Variants in WDR70 observed in about 807,000 individuals in gnomAD.
The protein encoded by WDR70 is WD repeat domain 70.
WDR70 carries 53 observed loss-of-function variants against 88.6 expected under a neutral mutation model. The observed-to-expected ratio is 0.60, with a 90% CI of 0.48 to 0.75. The LOEUF (loss-of-function observed/expected upper bound fraction) is 0.75. WDR70 is among the 30% of genes least tolerant of loss of function. The probability of loss-of-function intolerance (pLI) is 0.00; values close to 1 mark genes in which losing one functional copy is unlikely to be tolerated. For synonymous variants in WDR70, 280 were observed against 270.0 expected (o/e 1.04, Z -0.36); for missense variants, 610 against 823.2 (o/e 0.74, Z 3.17).
At chr5:37,395,808 A>G (rs934776064) in intron 4 of WDR70, among the ~76,000 whole-genome samples, 4 of 151,934 alleles carry the variant, frequency 2.6e-5, no homozygotes, top group Admixed American at 1.3e-4. Flanking sequence ...TTTTTATTAT[A>G]TATCTGTATT....
At chr5:37,641,669 G>A (rs754166544) in intron 10 of WDR70, among the ~76,000 whole-genome samples, 102 of 151,584 alleles carry the variant, frequency 6.7e-4, no homozygotes, top group Non-Finnish European at 1.1e-3. Context: ...TGTTTGCCTC[G>A]GCCTCCCAAA....
intron 7 of WDR70, among the ~76,000 whole-genome samples, chr5:37,473,913 G>T: frequency 6.6e-6 from 1 of 152,064 alleles, no homozygotes; most frequent in South Asian, 2.1e-4. Context: ...GGAAACATAT[G>T]TTTAGATCAT....
At chr5:37,573,267 C>A (rs1384889172) in intron 9 of WDR70, among the ~76,000 whole-genome samples, 1 of 152,076 alleles carries the variant, frequency 6.6e-6, no homozygotes, top group Non-Finnish European at 1.5e-5. Flanking sequence ...AATCATCATT[C>A]TTCTTTACTG....
At chr5:37,554,989 T>TA (rs1449633298) in intron 9 of WDR70, among the ~76,000 whole-genome samples, 11 of 152,374 alleles carry the variant, frequency 7.2e-5, no homozygotes, top group African/African-American at 1.7e-4. Flanking sequence ...AGCCATCTCT[T>TA]AGAGTGAATA....
chr5:37,399,287 C>CA (rs1561837615), intron 5 of WDR70, among the ~76,000 whole-genome samples: 3 of 151,564 alleles, frequency 2.0e-5, no homozygotes, highest in South Asian at 4.2e-4. Flanking sequence ...CACACACACA[C>CA]AAAAAAAATT....
intron 9 of WDR70, among the ~76,000 whole-genome samples, chr5:37,577,984 T>C (rs1313721867): frequency 6.6e-6 from 1 of 152,162 alleles, no homozygotes; most frequent in Non-Finnish European, 1.5e-5. Context: ...ACTAGCTTTT[T>C]AAAGACAAAA....
intron 10 of WDR70, among the ~76,000 whole-genome samples, chr5:37,659,540 A>T (rs184168707): frequency 6.6e-6 from 1 of 152,312 alleles, no homozygotes; most frequent in Non-Finnish European, 1.5e-5. Flanking sequence ...AAATGCCTTA[A>T]ATTCTTCTCT....
chr5:37,752,815 C>A lies in WDR70; in HGVS notation c.*242C>A, dbSNP rs1748853350. ...CAGATTCTTAGTCTATTACCAAGTA[C>A]TTTAGGTATTTGGAAACTTTATTCA... On this transcript the variant is annotated 3_prime_UTR_variant, in exon 18 of 18. Transcript: ENST00000265107. 1.1e-5 allele frequency: 4 copies of A among 365,644 alleles called. No individual in the cohort carries two copies. The East Asian group carries it at 2.2e-4, about 20-fold the overall frequency. 22.6% of individuals were successfully genotyped at this position (365,644 alleles called of 1,614,324 possible).
intron 3 of WDR70, among the ~76,000 whole-genome samples, chr5:37,384,442 C>T (rs1258209157): frequency 6.6e-6 from 1 of 151,544 alleles, no homozygotes; most frequent in African/African-American, 2.4e-5. Flanking sequence ...GGGCGGATCA[C>T]GAGGTCAGGA....
At chr5:37,386,223 AT>A (rs1276028645) in intron 3 of WDR70, among the ~76,000 whole-genome samples, 1 of 152,164 alleles carries the variant, frequency 6.6e-6, no homozygotes, top group Non-Finnish European at 1.5e-5. Context: ...GTTTTAAACA[AT>A]TTAGTGAATG....
chr5:37,468,827 A>C (rs546536186), intron 7 of WDR70, among the ~76,000 whole-genome samples: 2 of 152,340 alleles, frequency 1.3e-5, no homozygotes, highest in Non-Finnish European at 2.9e-5. Flanking sequence ...AACTATCTGC[A>C]TGACATTTAC....
chr5:37,693,445 A>C (rs1446753268), intron 10 of WDR70, among the ~76,000 whole-genome samples: 1 of 152,226 alleles, frequency 6.6e-6, no homozygotes, highest in South Asian at 2.1e-4. Context: ...GCATCATGCT[A>C]CCTGACTTCA....
At chr5:37,717,613 G>A (rs1747687497) in intron 13 of WDR70, among the ~76,000 whole-genome samples, 1 of 152,178 alleles carries the variant, frequency 6.6e-6, no homozygotes, top group Non-Finnish European at 1.5e-5. Context: ...GTCTTCTGAT[G>A]TTGGTTCCTT....
At chr5:37,441,981 A>C (rs1445696418) in intron 6 of WDR70, among the ~76,000 whole-genome samples, 3 of 151,960 alleles carry the variant, frequency 2.0e-5, no homozygotes, top group African/African-American at 7.2e-5. Context: ...AATGAGTTAC[A>C]CATTGGATAT....
chr5:37,719,611 A>G (rs1195616148), intron 13 of WDR70, among the ~76,000 whole-genome samples: 1 of 152,030 alleles, frequency 6.6e-6, no homozygotes, highest in Non-Finnish European at 1.5e-5. Flanking sequence ...ACAATATCCC[A>G]TTCCTCTTCA....
rs185035512 is a variant in WDR70, at chr5:37,482,165, G to C, written c.840+2178G>C. On this transcript the variant is annotated intron_variant, in intron 8 of 17. Coordinates refer to ENST00000265107, the MANE Select transcript of WDR70 (RefSeq NM_018034.4). ...TTCCCACATTTTCCTATCCTCTTCT[G>C]AGCCTTCCAAACTGTTCCAGCCTCT... 3.9e-5 allele frequency among the ~76,000 whole-genome samples: 6 copies of C among 152,136 alleles called. No individual in the cohort carries two copies. The South Asian group carries it at 6.3e-4, about 16-fold the overall frequency.
At chr5:37,685,872 G>T (rs1203079588) in intron 10 of WDR70, among the ~76,000 whole-genome samples, 1 of 152,150 alleles carries the variant, frequency 6.6e-6, no homozygotes, top group South Asian at 2.1e-4. Flanking sequence ...AATGAGTCCA[G>T]TGTGCTCTAA....
At chr5:37,733,938 T>A (rs1748227246) in intron 17 of WDR70, among the ~76,000 whole-genome samples, 1 of 152,052 alleles carries the variant, frequency 6.6e-6, no homozygotes, top group Non-Finnish European at 1.5e-5. Flanking sequence ...AGTCTTTTCT[T>A]ACACTAAATT....
At chr5:37,401,902 G>A (rs746301884) in intron 5 of WDR70, among the ~76,000 whole-genome samples, 6 of 152,092 alleles carry the variant, frequency 3.9e-5, no homozygotes, top group Non-Finnish European at 8.8e-5. Flanking sequence ...TATCCATTGC[G>A]TAAAACACTG....
Sources: gnomAD v4.1 joint callset for allele counts (sites outside exome capture counted in the v4.1 genomes callset) on GRCh38, gnomAD v4.1.1 for gene constraint, MANE v1.5 for transcripts, NCBI Gene and HGNC (gene_info 2026-07-23, HGNC 2026-07-21) for gene names.